The following RBFOX1 variants were observed in gnomAD, a reference collection of about 807,000 sequenced individuals.
The protein encoded by RBFOX1 is RNA binding protein fox-1 homolog 1.
A neutral mutation model predicts 57.7 loss-of-function variants in RBFOX1; 8 were observed. That is an observed-to-expected ratio of 0.14 (90% CI 0.08 to 0.25). The LOEUF (loss-of-function observed/expected upper bound fraction) is 0.25, where lower values mean the gene tolerates loss of function less well. Ranked by LOEUF, RBFOX1 falls within the 10% of genes least tolerant of loss-of-function variation. RBFOX1 has a pLI of 1.00. For missense variants in RBFOX1, 611 were observed against 548.5 expected, an observed-to-expected ratio of 1.11 and a Z score of -1.14; for synonymous variants, 326 against 222.4, an observed-to-expected ratio of 1.47 and a Z score of -4.15.
chr16:5,545,399 G>T (rs1216148034), intron 2 of RBFOX1, among the ~76,000 whole-genome samples: 2 of 152,082 alleles, frequency 1.3e-5, no homozygotes, highest in African/African-American at 4.8e-5. Context: ...ACCTGACAGA[G>T]AAATTATAAG....
At chr16:6,859,152 T>TATAC (rs1491258507) in intron 3 of RBFOX1, among the ~76,000 whole-genome samples, 1 of 77,140 alleles carries the variant, frequency 1.3e-5, no homozygotes, top group African/African-American at 6.6e-5. Flanking sequence ...TATATATATA[T>TATAC]GTATATATAT....
At chr16:5,276,520 G>C (rs184384957) in intron 1 of RBFOX1, among the ~76,000 whole-genome samples, 28 of 152,318 alleles carry the variant, frequency 1.8e-4, no homozygotes, top group African/African-American at 6.5e-4. Context: ...CGCCGTGGCT[G>C]ACGCGTGTAA....
chr16:7,057,496 T>C (rs1369293883), intron 4 of RBFOX1, among the ~76,000 whole-genome samples: 1 of 152,168 alleles, frequency 6.6e-6, no homozygotes, highest in Non-Finnish European at 1.5e-5. Context: ...AAGATGTATG[T>C]TGCATCGCTT....
At chr16:5,924,522 T>G (rs1390765449) in intron 4 of RBFOX1, among the ~76,000 whole-genome samples, 1 of 152,160 alleles carries the variant, frequency 6.6e-6, no homozygotes, top group Non-Finnish European at 1.5e-5. Context: ...TCCCTCTCTC[T>G]CTTGCCTTCT....
intron 11 of RBFOX1, among the ~76,000 whole-genome samples, chr16:7,643,092 C>A (rs2063122146): frequency 1.3e-5 from 2 of 152,202 alleles, no homozygotes; most frequent in Admixed American, 1.3e-4. Context: ...CAACAGCTAA[C>A]TTTGGGAGGT....
In RBFOX1 at chr16:7,229,739, G is replaced by A. The variant is rs114757052; in HGVS notation, c.27+177641G>A. On this transcript the variant is annotated intron_variant, in intron 4 of 15. Coordinates refer to ENST00000550418, the MANE Select transcript of RBFOX1 (RefSeq NM_018723.4). ...GAGAGAGGAAGCAAGGGAGGGAGGGGGAAGAAGGAAGGGAGAGAGAGGGAG... is the reference window on the plus strand; with the variant it reads ...GAGAGAGGAAGCAAGGGAGGGAGGGAGAAGAAGGAAGGGAGAGAGAGGGAG... Among the ~76,000 whole-genome samples the A allele has an allele frequency of 3.1e-3, 389 of 124,016 alleles. 19 individuals carry two copies. The highest frequency in any genetic ancestry group is 0.012 in the African/African-American group (359 of 31,114). The allele number at this position is 124,016 out of a possible 152,430, so 81.4% of individuals were successfully genotyped here.
At chr16:5,513,906 CATTA>C (rs981130520) in intron 2 of RBFOX1, among the ~76,000 whole-genome samples, 1 of 152,006 alleles carries the variant, frequency 6.6e-6, no homozygotes. Flanking sequence ...GTAAATAATA[CATTA>C]ATTCAATATT....
chr16:5,999,448 A>AT (rs892075053), intron 4 of RBFOX1, among the ~76,000 whole-genome samples: 8 of 151,972 alleles, frequency 5.3e-5, no homozygotes, highest in African/African-American at 7.2e-5. Flanking sequence ...CATTTGATTC[A>AT]TTTTTTTTAA....
At chr16:6,106,699 G>C (rs543764673) in intron 1 of RBFOX1, among the ~76,000 whole-genome samples, 17 of 151,872 alleles carry the variant, frequency 1.1e-4, no homozygotes, top group African/African-American at 3.9e-4. Context: ...ACGGAGTGTC[G>C]CTCTGTTGCC....
intron 3 of RBFOX1, among the ~76,000 whole-genome samples, chr16:5,787,745 G>A (rs981464182): frequency 8.5e-5 from 13 of 152,200 alleles, no homozygotes; most frequent in Non-Finnish European, 1.8e-4. Context: ...GGGTCAAGAA[G>A]TAATGAGTTT....
chr16:6,885,937 A>G (rs1160714163), intron 3 of RBFOX1, among the ~76,000 whole-genome samples: 1 of 152,248 alleles, frequency 6.6e-6, no homozygotes, highest in Non-Finnish European at 1.5e-5. Flanking sequence ...AATAAAATAA[A>G]ATGATTTCTC....
intron 2 of RBFOX1, among the ~76,000 whole-genome samples, chr16:6,331,568 A>ATG (rs200158384): frequency 0.012 from 1,798 of 145,420 alleles, 31 homozygotes; most frequent in African/African-American, 0.043. Flanking sequence ...TGTATATAAT[A>ATG]TGTGTGTGTG....
chr16:5,666,067 C>T (rs374504600), intron 3 of RBFOX1, among the ~76,000 whole-genome samples: 6 of 152,366 alleles, frequency 3.9e-5, no homozygotes, highest in East Asian at 3.9e-4. Flanking sequence ...AGCTTCTCCA[C>T]GTGTCTAATG....
chr16:7,669,123 C>G (rs2070490993), intron 13 of RBFOX1, among the ~76,000 whole-genome samples: 1 of 152,170 alleles, frequency 6.6e-6, no homozygotes, highest in African/African-American at 2.4e-5. Flanking sequence ...AGGCTGGTCT[C>G]AAACTCCTGA....
chr16:5,609,251 G>C (rs571445674), intron 3 of RBFOX1, among the ~76,000 whole-genome samples: 2 of 152,266 alleles, frequency 1.3e-5, no homozygotes, highest in East Asian at 3.9e-4. Flanking sequence ...TACCCGAATT[G>C]GTAGATGCTA....
intron 3 of RBFOX1, among the ~76,000 whole-genome samples, chr16:6,846,044 A>C (rs937937518): frequency 6.6e-6 from 1 of 152,198 alleles, no homozygotes; most frequent in African/African-American, 2.4e-5. Flanking sequence ...CTGTCCCTCA[A>C]CAAGCACATC....
At chr16:6,784,393 G>T (rs925248898) in intron 3 of RBFOX1, among the ~76,000 whole-genome samples, 1 of 151,878 alleles carries the variant, frequency 6.6e-6, no homozygotes, top group Non-Finnish European at 1.5e-5. Context: ...CAATTTTGCT[G>T]TTGAGACACT....
intron 4 of RBFOX1, among the ~76,000 whole-genome samples, chr16:7,177,662 T>C (rs1189885958): frequency 2.0e-5 from 3 of 152,050 alleles, no homozygotes; most frequent in African/African-American, 4.8e-5. Context: ...AACCAGGAGG[T>C]AGGGCACTTC....
intron 5 of RBFOX1, among the ~76,000 whole-genome samples, chr16:7,553,670 C>G (rs374559033): frequency 5.9e-5 from 9 of 152,296 alleles, no homozygotes; most frequent in South Asian, 2.1e-4. Flanking sequence ...CTCAGCATTA[C>G]CAAGATGCAG....
Sources: gnomAD v4.1 joint callset for allele counts (sites outside exome capture counted in the v4.1 genomes callset) on GRCh38, gnomAD v4.1.1 for gene constraint, MANE v1.5 for transcripts, NCBI Gene and HGNC (gene_info 2026-07-23, HGNC 2026-07-21) for gene names.